Variants in H6PD observed in about 807,000 individuals in gnomAD.
H6PD encodes the protein GDH/6PGL endoplasmic bifunctional protein.
In H6PD, 48 loss-of-function variants were observed where a neutral mutation model predicts 61.2. The observed-to-expected ratio is 0.78, with a 90% CI of 0.62 to 1.00. The LOEUF (loss-of-function observed/expected upper bound fraction) is 1.00. Among genes scored for constraint, H6PD ranks in the 50% least tolerant of loss-of-function variants. The probability of loss-of-function intolerance (pLI) is 0.00; values close to 1 mark genes in which losing one functional copy is unlikely to be tolerated. For synonymous variants in H6PD, 480 were observed against 457.9 expected, an observed-to-expected ratio of 1.05 and a Z score of -0.62; for missense variants, 1,093 against 1,065.0, an observed-to-expected ratio of 1.03 and a Z score of -0.37.
In H6PD at chr1:9,263,803, G is replaced by A. The variant is rs146475150; in HGVS notation, c.1310G>A (p.Arg437His). ...WKEMEGPPGL[R>H]LFGSPLSDYY... ...GAAATGGAGGGACCACCTGGGCTCC[G>A]CCTTTTCGGCAGCCCTCTGTCCGAT... Residue 437 changes from arginine (R) to histidine (H), a missense_variant, in exon 5 of 5, where the codon CGC becomes CAC. Coordinates refer to ENST00000377403, the MANE Select transcript of H6PD (RefSeq NM_004285.4). 304 of 1,613,934 alleles carry A rather than the reference G, an allele frequency of 1.9e-4. No homozygotes were observed. In the African/African-American group the frequency reaches 2.6e-3, roughly 14 times the overall value.
At chr1:9,240,002 G>A in intron 1 of H6PD, 1 of 1,231,552 alleles carries the variant, frequency 8.1e-7, no homozygotes, top group Non-Finnish European at 1.0e-6. Flanking sequence ...TGGGATGTTA[G>A]CAGAGCCTTT....
Position 9,244,982 on chromosome 1 carries a change from C to G in H6PD, c.48C>G (p.Cys16Trp). 1 of 1,613,666 alleles carries G rather than the reference C, an allele frequency of 6.2e-7. No homozygotes were observed. Among genetic ancestry groups the G allele is most frequent in the South Asian group, 1.1e-5 (1 of 91,078 alleles). Reference protein sequence around the residue: ...IVAMCLALLGCLQAQELQGHV... With the variant: ...IVAMCLALLGWLQAQELQGHV... The stretch of plus-strand genomic sequence containing the variant: ...CGATGTGCTTGGCCCTTCTGGGCTG[C>G]CTGCAAGCCCAGGAGCTCCAGGGAC... Residue 16 changes from cysteine to tryptophan, a missense_variant, in exon 2 of 5, where the codon TGC (cysteine) becomes TGG (tryptophan). Cys to Trp is a radical substitution (Grantham distance 215, BLOSUM62 -2). Coordinates refer to ENST00000377403, the MANE Select transcript of H6PD (RefSeq NM_004285.4).
chr1:9,240,789 C>T (rs192445220), intron 1 of H6PD, among the ~76,000 whole-genome samples: 1 of 152,306 alleles, frequency 6.6e-6, no homozygotes, highest in Non-Finnish European at 1.5e-5. Flanking sequence ...ACAGCCCATT[C>T]CTCTCAGAGC....
rs1638649278 is a variant in H6PD at position 9,268,717 on chromosome 1, C to G, written c.*3848C>G. 6.6e-6 allele frequency: 1 copy of G among 151,806 alleles called. No homozygotes were observed. The highest frequency in any genetic ancestry group is 2.4e-5 in the African/African-American group (1 of 41,072). 9.4% of individuals were successfully genotyped at this position (151,806 alleles called of 1,614,324 possible). On this transcript the variant is annotated 3_prime_UTR_variant, in exon 5 of 5. Coordinates refer to ENST00000377403, the MANE Select transcript of H6PD (RefSeq NM_004285.4). ...AAGTTAGCAGAGTAATCAAAGCTTC[C>G]TACCGTTTGGCCTACTATTCCAGAC... is the stretch of plus-strand genomic sequence containing the variant.
intron 3 of H6PD, among the ~76,000 whole-genome samples, chr1:9,258,985 T>C (rs1641623263): frequency 6.6e-6 from 1 of 152,092 alleles, no homozygotes; most frequent in African/African-American, 2.4e-5. Context: ...ACACTGATGT[T>C]TTTTGTTTGT....
At chr1:9,260,316 A>AT (rs1641681788) in intron 3 of H6PD, among the ~76,000 whole-genome samples, 1 of 150,958 alleles carries the variant, frequency 6.6e-6, no homozygotes, top group Admixed American at 6.6e-5. Context: ...CAGTGTTGTT[A>AT]TATTGTTGTT....
At chr1:9,258,323 G>T (rs1219232467) in intron 3 of H6PD, among the ~76,000 whole-genome samples, 1 of 152,118 alleles carries the variant, frequency 6.6e-6, no homozygotes, top group Middle Eastern at 3.4e-3. Context: ...ATATTGTTAC[G>T]CCAGGGTTGT....
chr1:9,242,775 G>A (rs754248184), intron 1 of H6PD: 21 of 985,448 alleles, frequency 2.1e-5, no homozygotes, highest in Non-Finnish European at 2.4e-5. Flanking sequence ...GCTCTGAAGC[G>A]CAGCCTGCCA....
At chr1:9,262,947 C>T (rs1638377515) in intron 4 of H6PD, among the ~76,000 whole-genome samples, 1 of 152,158 alleles carries the variant, frequency 6.6e-6, no homozygotes, top group Non-Finnish European at 1.5e-5. Context: ...TCAGAATGAA[C>T]CAGGCTTGGA....
At chr1:9,244,813 A>G (rs1641109604) in intron 1 of H6PD, 112 bp from the exon 2 acceptor site, 3 of 1,005,110 alleles carry the variant, frequency 3.0e-6, no homozygotes, top group Admixed American at 1.8e-5. Context: ...CATTTTCTTA[A>G]GAAACACGTG....
At position 9,263,720 on chromosome 1, in the gene H6PD, C is replaced by T. The variant is rs1475306702; in HGVS notation, c.1227C>T (p.Ser409=). The change falls in exon 5 of 5, where the codon AGC becomes AGT. Residue 409 remains serine (S), a synonymous_variant. Coordinates refer to ENST00000377403, the MANE Select transcript of H6PD (RefSeq NM_004285.4). ...ACATCGGCCATGGCGACCTGGGCAG[C>T]CCTGCCGTGCTGGTCAGCAGGAACC... is the stretch of plus-strand genomic sequence containing the variant. ...VFHIGHGDLG[S]PAVLVSRNLF... 1.1e-5 allele frequency: 17 copies of T among 1,613,996 alleles called. No individual in the cohort carries two copies. In the Admixed American group the frequency reaches 1.7e-4, roughly 16 times the overall value.
intron 3 of H6PD, among the ~76,000 whole-genome samples, chr1:9,257,010 TCTG>T (rs1186781803): frequency 1.3e-5 from 2 of 152,232 alleles, no homozygotes; most frequent in African/African-American, 4.8e-5. Context: ...AGCTCTGTCT[TCTG>T]CTAGCTGACT....
chr1:9,263,801 C>G lies in H6PD; in HGVS notation c.1308C>G (p.Leu436=), dbSNP rs1321535097. ...SWKEMEGPPG[L]RLFGSPLSDY... ...AGGAAATGGAGGGACCACCTGGGCT[C>G]CGCCTTTTCGGCAGCCCTCTGTCCG... Residue 436 remains leucine, a synonymous_variant, in exon 5 of 5, where the codon CTC becomes CTG. Coordinates refer to ENST00000377403, the MANE Select transcript of H6PD (RefSeq NM_004285.4). 1 of 1,613,992 alleles carries G rather than the reference C, an allele frequency of 6.2e-7. No individual in the cohort carries two copies. The highest frequency in any genetic ancestry group is 2.2e-5 in the East Asian group (1 of 44,880).
intron 1 of H6PD, among the ~76,000 whole-genome samples, chr1:9,239,525 C>G (rs888594787): frequency 3.9e-5 from 6 of 152,164 alleles, no homozygotes; most frequent in Admixed American, 2.0e-4. Flanking sequence ...TTGCAAAAAA[C>G]AGACAAAAAA....
chr1:9,239,021 G>T (rs1640922862), intron 1 of H6PD, among the ~76,000 whole-genome samples: 1 of 151,956 alleles, frequency 6.6e-6, no homozygotes, highest in Non-Finnish European at 1.5e-5. Context: ...AATGAGTTTT[G>T]AGTATTTATT....
At chr1:9,257,077 A>G (rs1174344733) in intron 3 of H6PD, among the ~76,000 whole-genome samples, 1 of 151,144 alleles carries the variant, frequency 6.6e-6, no homozygotes, top group Non-Finnish European at 1.5e-5. Context: ...CTAGTTTCCA[A>G]TTATATTTTT....
intron 3 of H6PD, among the ~76,000 whole-genome samples, chr1:9,248,769 G>A (rs1394111789): frequency 6.6e-6 from 1 of 152,180 alleles, no homozygotes; most frequent in Non-Finnish European, 1.5e-5. Flanking sequence ...AGAAGGCACT[G>A]GGTTTCTCTA....
chr1:9,237,611 A>G (rs1570072931), intron 1 of H6PD, among the ~76,000 whole-genome samples: 1 of 152,082 alleles, frequency 6.6e-6, no homozygotes, highest in East Asian at 1.9e-4. Flanking sequence ...CCTACCTCAT[A>G]TGGTTGTGGC....
intron 1 of H6PD, among the ~76,000 whole-genome samples, chr1:9,243,893 C>A (rs553679391): frequency 6.6e-6 from 1 of 151,724 alleles, no homozygotes. Flanking sequence ...GGGGGTCTGA[C>A]GTCAGGGTCA....
Sources: gnomAD v4.1 joint callset for allele counts (sites outside exome capture counted in the v4.1 genomes callset) on GRCh38, gnomAD v4.1.1 for gene constraint, MANE v1.5 for transcripts, NCBI Gene and HGNC (gene_info 2026-07-23, HGNC 2026-07-21) for gene names.